The following NOS1AP variants were observed in gnomAD, a reference collection of about 807,000 sequenced individuals.
NOS1AP encodes nitric oxide synthase 1 adaptor protein.
A neutral mutation model predicts 56.2 loss-of-function variants in NOS1AP; 21 were observed. The observed-to-expected ratio is 0.37, with a 90% CI of 0.26 to 0.54. The LOEUF is 0.54. Among genes scored for constraint, NOS1AP ranks in the 20% least tolerant of loss-of-function variants. The pLI, the probability that NOS1AP is intolerant of heterozygous loss-of-function variation, is 0.84. For missense variants in NOS1AP, 522 were observed against 657.8 expected (o/e 0.79, Z 2.26); for synonymous variants, 270 against 274.6 (o/e 0.98, Z 0.17).
chr1:162,204,423 A>T (rs1242376455), intron 2 of NOS1AP, among the ~76,000 whole-genome samples: 3 of 152,212 alleles, frequency 2.0e-5, no homozygotes, highest in Non-Finnish European at 2.9e-5. Context: ...GGTGGAGTGA[A>T]TTAAAATGGC....
intron 2 of NOS1AP, among the ~76,000 whole-genome samples, chr1:162,211,616 TA>T: frequency 6.6e-6 from 1 of 152,292 alleles, no homozygotes; most frequent in Admixed American, 6.5e-5. Flanking sequence ...CCTAGGGCAT[TA>T]AAAACCCAGT....
In NOS1AP at chr1:162,205,634, G is replaced by A. The variant is rs181633298; in HGVS notation, c.177+51158G>A. 2.4e-4 allele frequency among the ~76,000 whole-genome samples: 37 copies of A among 152,184 alleles called. 1 individual carries two copies. The highest frequency in any genetic ancestry group is 8.2e-4 in the African/African-American group (34 of 41,520). ...TAATGGTTTTTCCGGGGAGTATTCCGGTGTCATCACTATTGGATCTTTTTA... is the reference window on the plus strand; with the variant it reads ...TAATGGTTTTTCCGGGGAGTATTCCAGTGTCATCACTATTGGATCTTTTTA... On this transcript the variant is annotated intron_variant, in intron 2 of 9. Coordinates refer to ENST00000361897, the MANE Select transcript of NOS1AP (RefSeq NM_014697.3).
At chr1:162,207,587 TG>T (rs1281574796) in intron 2 of NOS1AP, among the ~76,000 whole-genome samples, 9 of 152,242 alleles carry the variant, frequency 5.9e-5, no homozygotes, top group African/African-American at 1.9e-4. Context: ...CAAGTAAAGT[TG>T]TTAAGCAAAC....
chr1:162,173,158 C>T (rs953256516), intron 2 of NOS1AP, among the ~76,000 whole-genome samples: 4 of 152,162 alleles, frequency 2.6e-5, no homozygotes, highest in Non-Finnish European at 5.9e-5. Context: ...TGGCAAAAAG[C>T]GCAATTACTT....
Position 162,367,102 on chromosome 1 carries a change from C to G in NOS1AP, c.1156C>G (p.Pro386Ala), listed in dbSNP as rs777988777. 1 of 1,613,942 alleles carries G rather than the reference C, an allele frequency of 6.2e-7. No individual in the cohort carries two copies. The highest frequency in any genetic ancestry group is 8.5e-7 in the Non-Finnish European group (1 of 1,180,020). Residue 386 changes from proline to alanine, a missense_variant, in exon 10 of 10, where the codon CCC becomes GCC. Physicochemically the swap from Pro to Ala is conservative, Grantham distance 27. Around this residue, in one of 4 missense-constraint regions of NOS1AP, gnomAD observed 160 missense variants for 180.3 expected, o/e 0.89. Transcript: ENST00000361897. This position sits in a 1 kb window ranked among gnomAD's most constrained non-coding sequence, Gnocchi z 6.5. ...LEITFRSGALPVLCDPTTPKP... is the reference protein window; with the variant it reads ...LEITFRSGALAVLCDPTTPKP... ...GATCACCTTCCGCTCCGGAGCCCTGCCCGTGCTCTGTGACCCCACGACCCC... is the reference window on the plus strand; with the variant it reads ...GATCACCTTCCGCTCCGGAGCCCTGGCCGTGCTCTGTGACCCCACGACCCC...
intron 2 of NOS1AP, among the ~76,000 whole-genome samples, chr1:162,191,548 T>C (rs1651647303): frequency 6.6e-6 from 1 of 152,184 alleles, no homozygotes; most frequent in African/African-American, 2.4e-5. Flanking sequence ...TAGCATGTCT[T>C]CTTTGATTTA....
chr1:162,259,155 C>T (rs922039875), intron 2 of NOS1AP, among the ~76,000 whole-genome samples: 7 of 152,138 alleles, frequency 4.6e-5, no homozygotes, highest in South Asian at 2.1e-4. Context: ...GCGACCACCC[C>T]GCTGTTGTAC....
Position 162,196,352 on chromosome 1 carries a change from A to G in NOS1AP, c.177+41876A>G, listed in dbSNP as rs143084302. The stretch of plus-strand genomic sequence containing the variant: ...CTTCATTTCTTTGCTAGTTTGGTTG[A>G]TACCACGCTCTTTCTGTATTAAGCT... On this transcript the variant is annotated intron_variant, in intron 2 of 9. Transcript: ENST00000361897. Among the ~76,000 whole-genome samples, 35 of 152,336 alleles carry G rather than the reference A, an allele frequency of 2.3e-4. No individual in the cohort carries two copies. The East Asian group carries it at 6.2e-3, about 27-fold the overall frequency.
rs138899922 is a variant in NOS1AP, at chr1:162,268,924, A to C, written c.178-18420A>C. 3.3e-5 allele frequency among the ~76,000 whole-genome samples: 5 copies of C among 152,276 alleles called. No homozygotes were observed. The East Asian group carries it at 9.6e-4, about 29-fold the overall frequency. On this transcript the variant is annotated intron_variant, in intron 2 of 9. Coordinates refer to ENST00000361897, the MANE Select transcript of NOS1AP (RefSeq NM_014697.3). ...AAATATGAGTTCTAAAACAGAACAGAAAAAAAGGTGGAAACTGGCCTAAGA... is the reference window on the plus strand; with the variant it reads ...AAATATGAGTTCTAAAACAGAACAGCAAAAAAGGTGGAAACTGGCCTAAGA...
rs748858699 is a variant in NOS1AP at position 162,365,085 on chromosome 1, T to TGCAC, written c.940-318_940-317insCACG. 179,989 of 1,319,112 alleles carry TGCAC rather than the reference T, an allele frequency of 0.14. 16,606 individuals carry two copies. Among genetic ancestry groups the TGCAC allele is most frequent in the African/African-American group, 0.43 (29,008 of 67,000 alleles). The allele number at this position is 1,319,112 out of a possible 1,614,324, so 81.7% of individuals were successfully genotyped here. On this transcript the variant is annotated intron_variant, in intron 8 of 9. Coordinates refer to ENST00000361897, the MANE Select transcript of NOS1AP (RefSeq NM_014697.3). ...GTGTGTGTGTGTATATGTGCACGTG[T>TGCAC]GTGTGTACGTGTGTGTGTGTGGCAG...
intron 2 of NOS1AP, among the ~76,000 whole-genome samples, chr1:162,172,172 G>A (rs1650819521): frequency 6.6e-6 from 1 of 152,200 alleles, no homozygotes; most frequent in Non-Finnish European, 1.5e-5. Flanking sequence ...CCCATGACGG[G>A]TTGTGGGGAG....
At chr1:162,127,506 A>G (rs1429852387) in intron 1 of NOS1AP, among the ~76,000 whole-genome samples, 2 of 152,010 alleles carry the variant, frequency 1.3e-5, no homozygotes, top group Non-Finnish European at 2.9e-5. Context: ...ATAAAGAAAT[A>G]ACCTGAGACT....
At chr1:162,251,747 G>A (rs948881094) in intron 2 of NOS1AP, among the ~76,000 whole-genome samples, 1 of 151,350 alleles carries the variant, frequency 6.6e-6, no homozygotes, top group African/African-American at 2.4e-5. Flanking sequence ...GAGTGCAGTG[G>A]TATGATCATG....
At chr1:162,332,401 C>A (rs1469001270) in intron 4 of NOS1AP, among the ~76,000 whole-genome samples, 1 of 152,138 alleles carries the variant, frequency 6.6e-6, no homozygotes, top group Non-Finnish European at 1.5e-5. Context: ...AGTTCAGGGG[C>A]TTTTTCTGTC....
intron 1 of NOS1AP, among the ~76,000 whole-genome samples, chr1:162,146,340 CA>C (rs1649465602): frequency 6.6e-6 from 1 of 152,144 alleles, no homozygotes; most frequent in African/African-American, 2.4e-5. Flanking sequence ...CTTGTTTTTC[CA>C]ACTGTCCCCT....
chr1:162,246,802 A>G (rs1653678877), intron 2 of NOS1AP, among the ~76,000 whole-genome samples: 1 of 152,066 alleles, frequency 6.6e-6, no homozygotes, highest in Admixed American at 6.6e-5. Context: ...GGGGGTGTTG[A>G]TGGGAGACCT....
intron 2 of NOS1AP, among the ~76,000 whole-genome samples, chr1:162,173,468 A>G (rs1265882948): frequency 6.6e-6 from 1 of 152,236 alleles, no homozygotes; most frequent in Admixed American, 6.5e-5. Context: ...TAAAAACCCT[A>G]GAAGAAAACC....
At chr1:162,183,752 AGAATT>A (rs374598081) in intron 2 of NOS1AP, among the ~76,000 whole-genome samples, 16 of 152,240 alleles carry the variant, frequency 1.1e-4, no homozygotes, top group African/African-American at 2.7e-4. Flanking sequence ...CAGCCTTTAT[AGAATT>A]GAAGAGTTAG....
Position 162,355,278 on chromosome 1 carries a change from T to A in NOS1AP, c.687T>A (p.Asp229Glu). 2 of 1,614,048 alleles carry A rather than the reference T, an allele frequency of 1.2e-6. No individual in the cohort carries two copies. The highest frequency in any genetic ancestry group is 2.2e-5 in the South Asian group (2 of 91,064). The change falls in exon 7 of 10, where the codon GAT (aspartate) becomes GAA (glutamate). Residue 229 changes from aspartate (D) to glutamate (E), a missense_variant. By Grantham distance (45) the Asp-to-Glu change is conservative (BLOSUM62 2). This residue lies in a region of NOS1AP where 178 missense variants were observed against 165.0 expected (regional missense o/e 1.08). Transcript: ENST00000361897. ...DAVEVPLPGNDVLEFSRGVTD... is the reference protein window; with the variant it reads ...DAVEVPLPGNEVLEFSRGVTD... ...TGGAGGTCCCACTTCCAGGGAATGA[T>A]GTCCTGGAATTCAGCCGAGGTGTGA...
Sources: allele counts gnomAD v4.1 joint callset (sites outside exome capture counted in the v4.1 genomes callset), GRCh38; gene constraint gnomAD v4.1.1; regional missense constraint gnomAD v4.1.1; non-coding constraint Gnocchi (gnomAD v3.1); transcripts MANE v1.5; gene names NCBI Gene and HGNC (gene_info 2026-07-23, HGNC 2026-07-21).